The following SLC12A8 variants were observed in gnomAD, a reference collection of about 807,000 sequenced individuals.
SLC12A8 encodes the protein solute carrier family 12 member 8.
SLC12A8 carries 69 observed loss-of-function variants against 75.6 expected under a neutral mutation model. That is an observed-to-expected ratio of 0.91 (90% confidence interval 0.75 to 1.11). The LOEUF (loss-of-function observed/expected upper bound fraction) is 1.11. Ranked by LOEUF, SLC12A8 falls within the 50% of genes most tolerant of loss-of-function variation. The pLI, the probability that SLC12A8 is intolerant of heterozygous loss-of-function variation, is 0.00. For synonymous variants in SLC12A8, 365 were observed against 372.8 expected (o/e 0.98, Z 0.24); for missense variants, 877 against 896.7 (o/e 0.98, Z 0.28).
chr3:125,151,647 A>C (rs1280442524), intron 5 of SLC12A8: 1 of 152,306 alleles, frequency 6.6e-6, no homozygotes, highest in Non-Finnish European at 1.5e-5. Context: ...AAACCCAGGC[A>C]CAGATTGCAG....
intron 5 of SLC12A8, among the ~76,000 whole-genome samples, chr3:125,157,497 G>A (rs1407656021): frequency 6.6e-6 from 1 of 152,176 alleles, no homozygotes; most frequent in Non-Finnish European, 1.5e-5. Flanking sequence ...TCGCTTTGAA[G>A]CACCATCACC....
chr3:125,142,910 T>TC (rs1933684208), intron 5 of SLC12A8, among the ~76,000 whole-genome samples: 1 of 152,170 alleles, frequency 6.6e-6, no homozygotes. Context: ...TAACATGCCC[T>TC]CCTCCCTTCC....
At chr3:125,093,182 A>C (rs1312536889) in intron 10 of SLC12A8, among the ~76,000 whole-genome samples, 1 of 152,236 alleles carries the variant, frequency 6.6e-6, no homozygotes. Context: ...ACACCACAAT[A>C]ATGTTTCAAA....
intron 6 of SLC12A8, among the ~76,000 whole-genome samples, chr3:125,126,253 C>T (rs1030608068): frequency 2.6e-5 from 4 of 152,204 alleles, no homozygotes; most frequent in African/African-American, 9.7e-5. Context: ...TATGAGGCTA[C>T]ACCTCGAGTG....
At chr3:125,174,250 A>G (rs908649437) in intron 5 of SLC12A8, among the ~76,000 whole-genome samples, 2 of 152,264 alleles carry the variant, frequency 1.3e-5, no homozygotes, top group African/African-American at 2.4e-5. Context: ...ATACGTCATT[A>G]GAGAATCGCA....
chr3:125,128,188 T>TTC (rs1933258289), intron 6 of SLC12A8, among the ~76,000 whole-genome samples: 1 of 115,960 alleles, frequency 8.6e-6, no homozygotes, highest in Admixed American at 7.9e-5. Context: ...TTTTTATTTT[T>TTC]TTTTTTTTTT....
At chr3:125,204,645 G>A (rs1184527487) in intron 2 of SLC12A8, among the ~76,000 whole-genome samples, 3 of 152,068 alleles carry the variant, frequency 2.0e-5, no homozygotes, top group Non-Finnish European at 2.9e-5. Flanking sequence ...AAAAGAGTAA[G>A]TTCTAGTGTT....
At chr3:125,205,459 T>C (rs1935209690) in intron 2 of SLC12A8, among the ~76,000 whole-genome samples, 1 of 152,186 alleles carries the variant, frequency 6.6e-6, no homozygotes, top group African/African-American at 2.4e-5. Flanking sequence ...CCCACTCTAT[T>C]TTTTACAAAT....
Position 125,086,565 on chromosome 3 carries a change from C to A in SLC12A8, c.1982+1745G>T, listed in dbSNP as rs138903014. On this transcript the variant is annotated intron_variant, in intron 13 of 13. Coordinates refer to ENST00000469902, the MANE Select transcript of SLC12A8 (RefSeq NM_024628.6). ...AAAAAATAGTCTCACCCACACACCA[C>A]TTGCAGCTCCAGAATCTGTAGGCAG... Among the ~76,000 whole-genome samples the A allele has an allele frequency of 7.2e-4, 109 of 152,352 alleles. 1 individual carries two copies. In the East Asian group the frequency reaches 0.013, roughly 18 times the overall value.
At chr3:125,190,971 C>T (rs968096164) in intron 2 of SLC12A8, among the ~76,000 whole-genome samples, 6 of 152,136 alleles carry the variant, frequency 3.9e-5, no homozygotes, top group African/African-American at 1.4e-4. Flanking sequence ...TCCTGGGGCT[C>T]ATGGTCATGA....
chr3:125,140,503 C>T (rs1417993576), intron 5 of SLC12A8, among the ~76,000 whole-genome samples: 5 of 152,122 alleles, frequency 3.3e-5, no homozygotes, highest in Non-Finnish European at 7.3e-5. Flanking sequence ...GCATCTCCCC[C>T]GGCCCCATTT....
intron 10 of SLC12A8, among the ~76,000 whole-genome samples, chr3:125,098,191 C>T (rs111714835): frequency 5.9e-4 from 90 of 152,198 alleles, no homozygotes; most frequent in African/African-American, 2.0e-3. Flanking sequence ...TTCTAATTAG[C>T]ATGTATAAAC....
At chr3:125,100,437 C>T (rs9864253) in intron 10 of SLC12A8, among the ~76,000 whole-genome samples, 47,544 of 151,262 alleles carry the variant, frequency 0.31, 8,384 homozygotes, top group Non-Finnish European at 0.4. Context: ...AATGGAGTCT[C>T]ACTCTTATTG....
chr3:125,125,606 C>G (rs895320355), intron 6 of SLC12A8, among the ~76,000 whole-genome samples: 7 of 152,150 alleles, frequency 4.6e-5, no homozygotes, highest in African/African-American at 1.7e-4. Flanking sequence ...AATCATGATT[C>G]TTAAATCTAG....
At chr3:125,105,184 C>G (rs1242167566) in intron 10 of SLC12A8, among the ~76,000 whole-genome samples, 2 of 143,028 alleles carry the variant, frequency 1.4e-5, no homozygotes, top group South Asian at 2.2e-4. Flanking sequence ...ATTAGAGAAC[C>G]ATTTAAGAAG....
Position 125,204,849 on chromosome 3 carries a change from C to T in SLC12A8, c.51+6450G>A, listed in dbSNP as rs578007412. On this transcript the variant is annotated intron_variant, in intron 2 of 13. Transcript: ENST00000469902. ...AATATCATATGTACCCCCATAAATA[C>T]GTATAATTATTATATATCAACTTAA... Among the ~76,000 whole-genome samples the T allele has an allele frequency of 8.9e-4, 136 of 152,148 alleles. 1 individual carries two copies. Among genetic ancestry groups the T allele is most frequent in the Middle Eastern group, 3.4e-3 (1 of 294 alleles).
chr3:125,143,023 G>GAT (rs1226191862), intron 5 of SLC12A8, among the ~76,000 whole-genome samples: 4 of 152,236 alleles, frequency 2.6e-5, no homozygotes, highest in African/African-American at 4.8e-5. Flanking sequence ...GATAATGAGA[G>GAT]ATTACATGGA....
At chr3:125,161,721 A>G (rs1478069368) in intron 5 of SLC12A8, among the ~76,000 whole-genome samples, 7 of 151,724 alleles carry the variant, frequency 4.6e-5, no homozygotes, top group Non-Finnish European at 1.0e-4. Context: ...GAGCTGTTGT[A>G]TCAGAGGCTG....
chr3:125,143,073 T>A (rs115945252), intron 5 of SLC12A8, among the ~76,000 whole-genome samples: 5 of 152,332 alleles, frequency 3.3e-5, no homozygotes, highest in Non-Finnish European at 5.9e-5. Context: ...TCTAATTCAT[T>A]GGCCTGTTTT....
Sources: gnomAD v4.1 joint callset for allele counts (sites outside exome capture counted in the v4.1 genomes callset) on GRCh38, gnomAD v4.1.1 for gene constraint, MANE v1.5 for transcripts, NCBI Gene and HGNC (gene_info 2026-07-23, HGNC 2026-07-21) for gene names.